Variants in NPAS3 observed in about 807,000 individuals in gnomAD.
NPAS3 encodes neuronal PAS domain protein 3.
NPAS3 carries 14 observed loss-of-function variants against 73.1 expected under a neutral mutation model. The observed-to-expected ratio is 0.19, with a 90% CI of 0.13 to 0.30. The LOEUF (loss-of-function observed/expected upper bound fraction) is 0.30. Among genes scored for constraint, NPAS3 ranks in the 10% least tolerant of loss-of-function variants. The pLI, the probability that NPAS3 is intolerant of heterozygous loss-of-function variation, is 1.00. For synonymous variants in NPAS3, 620 were observed against 541.5 expected (o/e 1.14, Z -2.01); for missense variants, 1,096 against 1,250.0 (o/e 0.88, Z 1.86).
intron 3 of NPAS3, among the ~76,000 whole-genome samples, chr14:33,287,770 C>A (rs922380950): frequency 6.6e-6 from 1 of 152,096 alleles, no homozygotes; most frequent in African/African-American, 2.4e-5. Flanking sequence ...AAAATGGATA[C>A]TGAGACCAAA....
In NPAS3 at chr14:33,462,183, G is replaced by T. The variant is rs35471033; in HGVS notation, c.468+94915G>T. ...GCAGAAACCTGGGCTCTCATTCCTC[G>T]CCTGTTTCCAGCTAGCTTATCTGGG... On this transcript the variant is annotated intron_variant, in intron 4 of 11. Coordinates refer to ENST00000356141, the Ensembl canonical transcript of NPAS3. Among the ~76,000 whole-genome samples, 3 of 152,142 alleles carry T rather than the reference G, an allele frequency of 2.0e-5. No individual in the cohort carries two copies. In the East Asian group the frequency reaches 5.8e-4, roughly 29 times the overall value.
At chr14:33,216,859 A>G (rs1473511801) in intron 3 of NPAS3, among the ~76,000 whole-genome samples, 5 of 152,222 alleles carry the variant, frequency 3.3e-5, no homozygotes, top group African/African-American at 1.2e-4. Context: ...AGTCAAAGGT[A>G]GCCCAGGAAA....
intron 6 of NPAS3, among the ~76,000 whole-genome samples, chr14:33,707,765 G>GGC (rs2060697490): frequency 1.4e-4 from 22 of 152,230 alleles, no homozygotes; most frequent in Admixed American, 1.4e-3. Context: ...CTTTCCTCTA[G>GGC]CCCTTCCAGA....
At chr14:33,719,502 A>G (rs1167788206) in intron 6 of NPAS3, among the ~76,000 whole-genome samples, 1 of 152,240 alleles carries the variant, frequency 6.6e-6, no homozygotes, top group Non-Finnish European at 1.5e-5. Flanking sequence ...CAAATACATT[A>G]GAGCTTTCTA....
At chr14:33,662,733 T>G (rs1157723632) in intron 5 of NPAS3, among the ~76,000 whole-genome samples, 1 of 152,174 alleles carries the variant, frequency 6.6e-6, no homozygotes, top group South Asian at 2.1e-4. Context: ...AGTTCACTCA[T>G]GATTTAGGTC....
At chr14:33,332,573 G>C (rs758824286) in intron 3 of NPAS3, among the ~76,000 whole-genome samples, 1 of 152,128 alleles carries the variant, frequency 6.6e-6, no homozygotes, top group South Asian at 2.1e-4. Context: ...TTAATCCAAC[G>C]TAGATTAACC....
intron 3 of NPAS3, among the ~76,000 whole-genome samples, chr14:33,294,349 T>A (rs1203383433): frequency 1.3e-5 from 2 of 152,166 alleles, no homozygotes; most frequent in Non-Finnish European, 2.9e-5. Context: ...AGGGCCTCAT[T>A]TTTTTGACCT....
chr14:33,736,001 A>G (rs1054794222), intron 7 of NPAS3, among the ~76,000 whole-genome samples: 6 of 152,220 alleles, frequency 3.9e-5, no homozygotes, highest in African/African-American at 1.4e-4. Context: ...TACTATAGCA[A>G]CGTAAATTAA....
chr14:33,345,803 A>C (rs955598915), intron 3 of NPAS3, among the ~76,000 whole-genome samples: 2 of 152,238 alleles, frequency 1.3e-5, no homozygotes, highest in Non-Finnish European at 2.9e-5. Context: ...ATATCAGCTA[A>C]GTACTTACAT....
At position 33,553,393 on chromosome 14, in the gene NPAS3, GA is replaced by G. The variant is rs1377933755; in HGVS notation, c.469-6727del. On this transcript the variant is annotated intron_variant, in intron 4 of 11. Transcript: ENST00000356141. ...TGCTGCCTCTCTTTTAAGGACTGAA[GA>G]GAGGCCATCTATGGCTCTTAACTGT... is the stretch of plus-strand genomic sequence containing the variant. Among the ~76,000 whole-genome samples, 4 of 152,192 alleles carry G rather than the reference GA, an allele frequency of 2.6e-5. No individual in the cohort carries two copies. The East Asian group carries it at 7.7e-4, about 29-fold the overall frequency.
At chr14:33,500,421 T>TA (rs2052455207) in intron 4 of NPAS3, among the ~76,000 whole-genome samples, 1 of 151,946 alleles carries the variant, frequency 6.6e-6, no homozygotes, top group Admixed American at 6.6e-5. Flanking sequence ...ATTTCCCAAG[T>TA]CCGATCAGTG....
chr14:33,719,989 G>A (rs1229105862), intron 6 of NPAS3, among the ~76,000 whole-genome samples: 1 of 152,018 alleles, frequency 6.6e-6, no homozygotes, highest in Non-Finnish European at 1.5e-5. Context: ...CTAAAAAAAA[G>A]AAAAGCTAGT....
intron 1 of NPAS3, among the ~76,000 whole-genome samples, chr14:32,952,113 A>G (rs185251273): frequency 3.0e-4 from 45 of 152,192 alleles, no homozygotes; most frequent in African/African-American, 9.1e-4. Context: ...TATTCTATGT[A>G]TCATATGTAG....
intron 7 of NPAS3, among the ~76,000 whole-genome samples, chr14:33,757,407 C>T (rs570601216): frequency 6.6e-6 from 1 of 152,254 alleles, no homozygotes; most frequent in South Asian, 2.1e-4. Flanking sequence ...TCATAGAGGT[C>T]CTGCTGCTGC....
intron 6 of NPAS3, among the ~76,000 whole-genome samples, chr14:33,722,015 A>C (rs2061127665): frequency 6.6e-6 from 1 of 152,340 alleles, no homozygotes; most frequent in Admixed American, 6.5e-5. Context: ...CCTGCTGTTG[A>C]GAGGATTAAC....
chr14:33,000,759 T>C (rs2038777567), intron 1 of NPAS3, among the ~76,000 whole-genome samples: 1 of 152,080 alleles, frequency 6.6e-6, no homozygotes, highest in Non-Finnish European at 1.5e-5. Context: ...TGCTATGGAG[T>C]TGGGAAAATT....
At chr14:33,795,524 G>A (rs752549433) in intron 10 of NPAS3, among the ~76,000 whole-genome samples, 1 of 152,138 alleles carries the variant, frequency 6.6e-6, no homozygotes, top group South Asian at 2.1e-4. Context: ...CTTTTGCTAG[G>A]CAAAATGATA....
chr14:33,793,471 A>G (rs893583205), intron 9 of NPAS3, among the ~76,000 whole-genome samples: 6 of 152,238 alleles, frequency 3.9e-5, no homozygotes, highest in South Asian at 2.1e-4. Flanking sequence ...GGGGTAAAGC[A>G]TCTTTGGAAC....
intron 4 of NPAS3, among the ~76,000 whole-genome samples, chr14:33,401,567 T>A (rs184577455): frequency 3.5e-4 from 53 of 151,982 alleles, no homozygotes; most frequent in African/African-American, 1.2e-3. Context: ...TTGATTGTCT[T>A]TCCTTCCTCA....
Sources: gnomAD v4.1 joint callset for allele counts (sites outside exome capture counted in the v4.1 genomes callset) on GRCh38, gnomAD v4.1.1 for gene constraint, MANE v1.5 for transcripts, NCBI Gene and HGNC (gene_info 2026-07-23, HGNC 2026-07-21) for gene names.